The following PTGR1 variants were observed in gnomAD, a reference collection of about 807,000 sequenced individuals.
PTGR1 encodes prostaglandin reductase 1, also known as 15-oxoprostaglandin 13-reductase.
PTGR1 carries 23 observed loss-of-function variants against 37.7 expected under a neutral mutation model. That is an observed-to-expected ratio of 0.61 (90% CI 0.44 to 0.86). The LOEUF (loss-of-function observed/expected upper bound fraction) is 0.86. Ranked by LOEUF, PTGR1 falls within the 40% of genes least tolerant of loss-of-function variation. The pLI is 0.00. For missense variants in PTGR1, 351 were observed against 394.3 expected, an observed-to-expected ratio of 0.89 and a Z score of 0.93; for synonymous variants, 134 against 140.0, an observed-to-expected ratio of 0.96 and a Z score of 0.30.
chr9:111,555,835 C>T (rs1459215093), intron 9 of PTGR1, among the ~76,000 whole-genome samples: 2 of 152,200 alleles, frequency 1.3e-5, no homozygotes, highest in African/African-American at 4.8e-5. Flanking sequence ...GGTGGGGACA[C>T]AGAGCCAAAC....
rs1255070618 is a variant in PTGR1 at position 111,592,941 on chromosome 9, C to A, written c.194G>T (p.Gly65Val). 6.3e-7 allele frequency: 1 copy of A among 1,583,286 alleles called. No homozygotes were observed. Among genetic ancestry groups the A allele is most frequent in the African/African-American group, 1.4e-5 (1 of 69,962 alleles). Residue 65 changes from glycine (G) to valine (V), a missense_variant, in exon 4 of 10, where the codon GGG becomes GTG. Transcript: ENST00000407693. ...AAATAATTACTTGGCCACTTGCTGC[C>A]CCATCATTGTATCACCTTCCTTCAA... ...KRLKEGDTMM[G>V]QQVAKVVESK...
intron 8 of PTGR1, among the ~76,000 whole-genome samples, chr9:111,572,527 T>C (rs1215478746): frequency 6.6e-6 from 1 of 151,654 alleles, no homozygotes; most frequent in African/African-American, 2.4e-5. Context: ...GAGGCAGAGG[T>C]TGCAGTGAGC....
intron 9 of PTGR1, 89 bp downstream of exon 9, chr9:111,570,002 G>A: frequency 1.3e-6 from 2 of 1,577,852 alleles, no homozygotes; most frequent in Non-Finnish European, 1.7e-6. Flanking sequence ...CGGCAGAGAT[G>A]GGGAAGAATT....
intron 8 of PTGR1, among the ~76,000 whole-genome samples, chr9:111,573,471 A>G (rs1219102341): frequency 6.6e-6 from 1 of 152,100 alleles, no homozygotes; most frequent in Admixed American, 6.6e-5. Context: ...TTTCATTCCC[A>G]TTAGTCAAGC....
At chr9:111,599,140 C>G (rs1436824190) in intron 1 of PTGR1, among the ~76,000 whole-genome samples, 2 of 152,142 alleles carry the variant, frequency 1.3e-5, no homozygotes, top group Non-Finnish European at 2.9e-5. Context: ...CCGGGAAAGT[C>G]TCGCCCGCCC....
intron 4 of PTGR1, among the ~76,000 whole-genome samples, chr9:111,591,831 G>T (rs1829631948): frequency 6.6e-6 from 1 of 152,304 alleles, no homozygotes; most frequent in South Asian, 2.1e-4. Context: ...AAGATGAAAT[G>T]CTCCTGATTA....
chr9:111,559,027 C>T, downstream of PTGR1, among the ~76,000 whole-genome samples: 1 of 152,128 alleles, frequency 6.6e-6, no homozygotes, highest in Non-Finnish European at 1.5e-5. Flanking sequence ...ACTCTTGCCT[C>T]CCCATGTGGT....
chr9:111,585,631 T>C (rs1434731143), intron 5 of PTGR1, among the ~76,000 whole-genome samples: 1 of 152,170 alleles, frequency 6.6e-6, no homozygotes, highest in Non-Finnish European at 1.5e-5. Flanking sequence ...CATTCTACTC[T>C]CTAATTCTAT....
At chr9:111,551,840 A>T (rs1466278531) in intron 9 of PTGR1, among the ~76,000 whole-genome samples, 1 of 152,240 alleles carries the variant, frequency 6.6e-6, no homozygotes, top group East Asian at 1.9e-4. Context: ...TATTAGCATC[A>T]AATTTGATGA....
chr9:111,553,565 C>T (rs1298112063), intron 9 of PTGR1, among the ~76,000 whole-genome samples: 3 of 152,086 alleles, frequency 2.0e-5, no homozygotes, highest in Non-Finnish European at 4.4e-5. Flanking sequence ...ATCATCTGAA[C>T]TCAAATCAAT....
intron 1 of PTGR1, chr9:111,599,218 C>A (rs1390237119): frequency 6.6e-6 from 1 of 152,384 alleles, no homozygotes; most frequent in East Asian, 1.9e-4. Context: ...TCGCCTCCCG[C>A]CGCCCGCCGC....
intron 4 of PTGR1, chr9:111,592,199 C>G (rs1188953331): frequency 2.0e-5 from 3 of 152,248 alleles, no homozygotes; most frequent in African/African-American, 7.2e-5. Context: ...CTAGCTTCAC[C>G]TCCTGTTTCT....
chr9:111,580,141 GATT>G (rs769171547), intron 6 of PTGR1, among the ~76,000 whole-genome samples: 12 of 152,066 alleles, frequency 7.9e-5, no homozygotes, highest in Non-Finnish European at 1.8e-4. Context: ...CCTTTATGCA[GATT>G]ATTAATTAAT....
rs754957537 is a variant in PTGR1, at chr9:111,583,512, C to T, written c.455G>A (p.Gly152Glu). 1 of 1,614,086 alleles carries T rather than the reference C, an allele frequency of 6.2e-7. No homozygotes were observed. Among genetic ancestry groups the T allele is most frequent in the South Asian group, 1.1e-5 (1 of 91,084 alleles). ...GETVMVNAAA[G>E]AVGSVVGQIA... ...CTGCCCCACGACTGAGCCCACAGCTCCAGCTGCTGCATTAACCATCACTGT... is the reference window on the plus strand; with the variant it reads ...CTGCCCCACGACTGAGCCCACAGCTTCAGCTGCTGCATTAACCATCACTGT... The change falls in exon 6 of 10, where the codon GGA (glycine) becomes GAA (glutamate). Residue 152 changes from glycine (G) to glutamate (E), a missense_variant. Physicochemically the swap from Gly to Glu is moderately conservative, Grantham distance 98. Transcript: ENST00000407693.
downstream of PTGR1, among the ~76,000 whole-genome samples, chr9:111,558,266 T>A (rs1721420741): frequency 6.6e-6 from 1 of 152,246 alleles, no homozygotes; most frequent in Non-Finnish European, 1.5e-5. Context: ...TCTGTAATTA[T>A]CATTATCTAC....
intron 9 of PTGR1, among the ~76,000 whole-genome samples, chr9:111,552,573 A>G (rs923914206): frequency 6.6e-6 from 1 of 152,188 alleles, no homozygotes; most frequent in Admixed American, 6.5e-5. Context: ...TCTTTGACAG[A>G]TGGAAGATTG....
chr9:111,567,112 G>A (rs561877350), intron 9 of PTGR1, among the ~76,000 whole-genome samples: 135 of 151,824 alleles, frequency 8.9e-4, no homozygotes, highest in South Asian at 6.5e-3. Context: ...GTCGGGGGGC[G>A]TGGGATATGG....
At chr9:111,565,991 CA>C (rs1298459350) in intron 9 of PTGR1, among the ~76,000 whole-genome samples, 5 of 152,032 alleles carry the variant, frequency 3.3e-5, no homozygotes, top group Admixed American at 6.6e-5. Context: ...GCAGGAGAAT[CA>C]CTTGAGGTCA....
intron 7 of PTGR1, chr9:111,577,941 C>G (rs1358784207): frequency 4.6e-5 from 7 of 152,072 alleles, no homozygotes; most frequent in African/African-American, 1.7e-4. Context: ...TCATAAGAGA[C>G]CACTTTTAGT....
Sources: gnomAD v4.1 joint callset for allele counts (sites outside exome capture counted in the v4.1 genomes callset) on GRCh38, gnomAD v4.1.1 for gene constraint, MANE v1.5 for transcripts, NCBI Gene and HGNC (gene_info 2026-07-23, HGNC 2026-07-21) for gene names.